CSMD1: variants seen among roughly 807,000 people sequenced by gnomAD.
CSMD1 encodes the protein CUB and sushi domain-containing protein 1.
In CSMD1, 213 loss-of-function variants were observed where a neutral mutation model predicts 417.5. The observed-to-expected ratio is 0.51, with a 90% CI of 0.46 to 0.57. The LOEUF (loss-of-function observed/expected upper bound fraction) is 0.57, where lower values mean the gene tolerates loss of function less well. Among genes scored for constraint, CSMD1 ranks in the 20% least tolerant of loss-of-function variants. The pLI is 0.00. For synonymous variants in CSMD1, 2,862 were observed against 1,736.8 expected (o/e 1.65, Z -16.11); for missense variants, 6,923 against 4,529.7 (o/e 1.53, Z -15.17).
At chr8:4,726,559 A>G (rs1398658323) in intron 1 of CSMD1, among the ~76,000 whole-genome samples, 1 of 152,144 alleles carries the variant, frequency 6.6e-6, no homozygotes, top group Non-Finnish European at 1.5e-5. Context: ...GGACAGGACC[A>G]CTTCCCTGTC....
rs114508434 is a variant in CSMD1 at position 4,429,760 on chromosome 8, G to C, written c.303-9695C>G. 1.7e-3 allele frequency among the ~76,000 whole-genome samples: 265 copies of C among 152,216 alleles called. 1 individual carries two copies. Among genetic ancestry groups the C allele is most frequent in the African/African-American group, 6.1e-3 (254 of 41,532 alleles). On this transcript the variant is annotated intron_variant, in intron 2 of 69. Transcript: ENST00000635120. ...CCCACAGCCGTATGCTGAGATTCTA[G>C]AAGTGCTCCACCCGTATTTGTTGAA...
chr8:4,848,700 C>G (rs1801291060), intron 1 of CSMD1, among the ~76,000 whole-genome samples: 1 of 152,054 alleles, frequency 6.6e-6, no homozygotes, highest in South Asian at 2.1e-4. Context: ...CCACCACACC[C>G]AGCTAATTTT....
intron 2 of CSMD1, among the ~76,000 whole-genome samples, chr8:4,500,191 G>T (rs963175256): frequency 6.6e-6 from 1 of 152,166 alleles, no homozygotes; most frequent in East Asian, 1.9e-4. Flanking sequence ...CAATGTCTCT[G>T]AAGAGGATGG....
At chr8:4,934,567 T>C (rs947737297) in intron 1 of CSMD1, among the ~76,000 whole-genome samples, 19 of 152,154 alleles carry the variant, frequency 1.2e-4, no homozygotes, top group African/African-American at 4.6e-4. Flanking sequence ...GACTGCAACA[T>C]GGACAAAGAA....
At chr8:4,578,469 T>A (rs1345244455) in intron 2 of CSMD1, among the ~76,000 whole-genome samples, 1 of 149,426 alleles carries the variant, frequency 6.7e-6, no homozygotes, top group East Asian at 2.0e-4. Flanking sequence ...GTGAATTAAA[T>A]AAACATAAAT....
intron 1 of CSMD1, among the ~76,000 whole-genome samples, chr8:4,775,212 G>C (rs548913277): frequency 6.6e-6 from 1 of 152,074 alleles, no homozygotes; most frequent in Admixed American, 6.6e-5. Context: ...TCTGATTGTA[G>C]GACATATCAC....
chr8:4,018,978 G>C (rs1456899839), intron 4 of CSMD1, among the ~76,000 whole-genome samples: 1 of 151,352 alleles, frequency 6.6e-6, no homozygotes, highest in Admixed American at 6.6e-5. Context: ...ATTGCTTTGT[G>C]TTTAACTCTG....
At chr8:3,555,794 C>T (rs10081482) in intron 10 of CSMD1, among the ~76,000 whole-genome samples, 84,648 of 151,922 alleles carry the variant, frequency 0.56, 24,000 homozygotes, top group African/African-American at 0.63. Context: ...TATGGTTAGG[C>T]AGACAGTTGT....
chr8:4,733,940 C>A (rs937504124), intron 1 of CSMD1, among the ~76,000 whole-genome samples: 1 of 152,110 alleles, frequency 6.6e-6, no homozygotes, highest in Non-Finnish European at 1.5e-5. Flanking sequence ...TGGTAATTAG[C>A]AAGAGGCTGT....
At chr8:3,693,958 G>GGT (rs1197322797) in intron 7 of CSMD1, among the ~76,000 whole-genome samples, 1 of 150,426 alleles carries the variant, frequency 6.6e-6, no homozygotes, top group Non-Finnish European at 1.5e-5. Context: ...TGGATATAGG[G>GGT]GTGTGTGTGT....
At chr8:3,439,036 T>C (rs1254614278) in intron 12 of CSMD1, among the ~76,000 whole-genome samples, 10 of 139,132 alleles carry the variant, frequency 7.2e-5, no homozygotes, top group African/African-American at 1.9e-4. Context: ...GCAGGGAGAA[T>C]TGCTTCAATC....
At chr8:3,766,139 G>A (rs968990927) in intron 5 of CSMD1, among the ~76,000 whole-genome samples, 1 of 152,162 alleles carries the variant, frequency 6.6e-6, no homozygotes, top group Non-Finnish European at 1.5e-5. Context: ...GGCCCTGATG[G>A]CATTTCTCTG....
At chr8:4,793,350 T>C (rs1241274591) in intron 1 of CSMD1, among the ~76,000 whole-genome samples, 1 of 152,170 alleles carries the variant, frequency 6.6e-6, no homozygotes, top group Non-Finnish European at 1.5e-5. Flanking sequence ...CTATAACTAC[T>C]ACACTGATAT....
At chr8:3,663,146 G>A (rs950892543) in intron 7 of CSMD1, among the ~76,000 whole-genome samples, 2 of 152,154 alleles carry the variant, frequency 1.3e-5, no homozygotes, top group African/African-American at 4.8e-5. Flanking sequence ...GGCCGACAAA[G>A]AAAAGGTTAG....
At chr8:4,966,423 G>C (rs940581030) in intron 1 of CSMD1, among the ~76,000 whole-genome samples, 2 of 151,938 alleles carry the variant, frequency 1.3e-5, no homozygotes, top group African/African-American at 2.4e-5. Context: ...ACTATCTCCC[G>C]GTATTTGGAA....
chr8:3,926,100 C>A lies in CSMD1; in HGVS notation c.818+71803G>T, dbSNP rs1395790461. Among the ~76,000 whole-genome samples the A allele has an allele frequency of 2.4e-4, 18 of 75,326 alleles. No homozygotes were observed. The East Asian group carries it at 0.01, about 42-fold the overall frequency. 49.4% of individuals were successfully genotyped at this position (75,326 alleles called of 152,430 possible). A position where few individuals can be genotyped will look rare whatever the true frequency, so the allele number is the denominator to read the frequency against. ...AACACCATACACACACACACACACACACACACACACACACACACACACACA... is the reference window on the plus strand; with the variant it reads ...AACACCATACACACACACACACACAAACACACACACACACACACACACACA... On this transcript the variant is annotated intron_variant, in intron 5 of 69. Coordinates refer to ENST00000635120, the MANE Select transcript of CSMD1 (RefSeq NM_033225.6).
At chr8:4,787,723 C>G (rs1797480973) in intron 1 of CSMD1, 1 of 1,589,294 alleles carries the variant, frequency 6.3e-7, no homozygotes, top group African/African-American at 1.3e-5. Context: ...CAATAATGAC[C>G]CACAGTGGTC....
At chr8:4,840,505 G>C (rs199590957) in intron 1 of CSMD1, among the ~76,000 whole-genome samples, 2 of 152,170 alleles carry the variant, frequency 1.3e-5, no homozygotes, top group African/African-American at 4.8e-5. Flanking sequence ...AGTAAATTAA[G>C]TTATGGTGGT....
chr8:4,199,728 A>G (rs761548905), intron 3 of CSMD1, among the ~76,000 whole-genome samples: 2 of 152,206 alleles, frequency 1.3e-5, no homozygotes, highest in African/African-American at 4.8e-5. Flanking sequence ...CAGGGATCAG[A>G]TGCTTTGATC....
Sources: gnomAD v4.1 joint callset for allele counts (sites outside exome capture counted in the v4.1 genomes callset) on GRCh38, gnomAD v4.1.1 for gene constraint, MANE v1.5 for transcripts, NCBI Gene and HGNC (gene_info 2026-07-23, HGNC 2026-07-21) for gene names.